Variants in VPS18 observed in about 807,000 individuals in gnomAD.
VPS18 encodes the protein VPS18 core subunit of CORVET and HOPS complexes, also known as vacuolar protein sorting-associated protein 18 homolog.
In VPS18, 25 loss-of-function variants were observed where a neutral mutation model predicts 82.0. The observed-to-expected ratio is 0.30, with a 90% confidence interval of 0.22 to 0.43. The LOEUF (loss-of-function observed/expected upper bound fraction) is 0.43, where lower values mean the gene tolerates loss of function less well. VPS18 is among the 20% of genes least tolerant of loss of function. The probability of loss-of-function intolerance (pLI) is 1.00; values close to 1 mark genes in which losing one functional copy is unlikely to be tolerated. For missense variants in VPS18, 1,168 were observed against 1,311.1 expected (o/e 0.89, Z 1.69); for synonymous variants, 523 against 543.0 (o/e 0.96, Z 0.51).
intron 1 of VPS18, among the ~76,000 whole-genome samples, chr15:40,895,357 G>A (rs1002510757): frequency 6.6e-6 from 1 of 152,206 alleles, no homozygotes; most frequent in Admixed American, 6.5e-5. Context: ...GCAGCCTGGA[G>A]TTTGGGGACG....
rs781423325 is a variant in VPS18 at position 40,903,431 on chromosome 15, T to C, written c.*90T>C. The stretch of plus-strand genomic sequence containing the variant: ...CTGCCTCCTAGGCTCTGCTCAGTCA[T>C]CTTGCAATTGCCACACTGTGACCAC... On this transcript the variant is annotated 3_prime_UTR_variant, in exon 5 of 5. Transcript: ENST00000220509. 3.4e-6 allele frequency: 5 copies of C among 1,480,640 alleles called. No homozygotes were observed. The highest frequency in any genetic ancestry group is 4.5e-6 in the Non-Finnish European group (5 of 1,115,342). The allele number at this position is 1,480,640 out of a possible 1,614,324, so 91.7% of individuals were successfully genotyped here.
rs1487885493 is a variant in VPS18 at position 40,899,645 on chromosome 15, A to C, written c.827A>C (p.Lys276Thr). ...AGTGAGTTGGCCTTCTACACCCCCAAGCTGCGCTCCGCACCCCGGGCCTTC... is the reference window on the plus strand; with the variant it reads ...AGTGAGTTGGCCTTCTACACCCCCACGCTGCGCTCCGCACCCCGGGCCTTC... The part of the protein sequence containing the change: ...GYSELAFYTP[K>T]LRSAPRAFAW... Residue 276 changes from lysine to threonine, a missense_variant, in exon 4 of 5, where the codon AAG becomes ACG. This residue lies in a region of VPS18 where 868 missense variants were observed against 939.8 expected (regional missense o/e 0.92). Coordinates refer to ENST00000220509, the MANE Select transcript of VPS18 (RefSeq NM_020857.3). This position sits in a 1 kb window ranked among gnomAD's most constrained non-coding sequence, Gnocchi z 4.4. The C allele has an allele frequency of 1.9e-6, 3 of 1,612,896 alleles. No homozygotes were observed. Among genetic ancestry groups the C allele is most frequent in the Non-Finnish European group, 2.5e-6 (3 of 1,180,030 alleles).
In VPS18 at chr15:40,897,231, G is replaced by C. The variant is rs145843423; in HGVS notation, c.233+1152G>C. 2.8e-3 allele frequency among the ~76,000 whole-genome samples: 426 copies of C among 152,002 alleles called. 2 individuals are homozygous for C. The highest frequency in any genetic ancestry group is 9.8e-3 in the African/African-American group (407 of 41,422). On this transcript the variant is annotated intron_variant, in intron 2 of 4. Coordinates refer to ENST00000220509, the MANE Select transcript of VPS18 (RefSeq NM_020857.3). The stretch of plus-strand genomic sequence containing the variant: ...AATGGCTTGAACCCGGGAGGCAGAG[G>C]TTGCAGTGAGCCGAGATCATGCTCA...
chr15:40,903,333 T>C lies in VPS18; in HGVS notation c.2914T>C (p.Trp972Arg). The change falls in exon 5 of 5, where the codon TGG becomes CGG. Residue 972 changes from tryptophan to arginine, a missense_variant. Physicochemically the swap from Trp to Arg is moderately radical, Grantham distance 101 (BLOSUM62 -3). Transcript: ENST00000220509. ...PQRYEEEQLSWL is the reference protein window; with the variant it reads ...PQRYEEEQLSRL ...GCGCTACGAGGAGGAGCAGCTCAGT[T>C]GGCTGTAGGAGGGTGTCACCTTTGA... 2 of 1,536,924 alleles carry C rather than the reference T, an allele frequency of 1.3e-6. No homozygotes were observed.
At position 40,894,673 on chromosome 15, in the gene VPS18, G is replaced by A. The variant is rs1411285560; in HGVS notation, c.-96G>A. 4 of 1,189,228 alleles carry A rather than the reference G, an allele frequency of 3.4e-6. No individual in the cohort carries two copies. The highest frequency in any genetic ancestry group is 3.1e-5 in the South Asian group (2 of 65,366). The allele number at this position is 1,189,228 out of a possible 1,614,324, so 73.7% of individuals were successfully genotyped here. On this transcript the variant is annotated 5_prime_UTR_variant, in exon 1 of 5. Coordinates refer to ENST00000220509, the MANE Select transcript of VPS18 (RefSeq NM_020857.3). ...TTCCCAGGATCTGTCAGAGGCTGGGGAGTTACAGCTTCCATTCTGGGGCGA... is the reference window on the plus strand; with the variant it reads ...TTCCCAGGATCTGTCAGAGGCTGGGAAGTTACAGCTTCCATTCTGGGGCGA...
intron 2 of VPS18, among the ~76,000 whole-genome samples, chr15:40,897,189 G>A (rs1892244270): frequency 6.6e-6 from 1 of 152,092 alleles, no homozygotes; most frequent in Non-Finnish European, 1.5e-5. Flanking sequence ...CAGCTATTTG[G>A]GAGGCTGAGG....
Position 40,900,008 on chromosome 15 carries a change from A to G in VPS18, c.1190A>G (p.Asp397Gly). ...FRYHVQREAR[D>G]VWRTYLDMNR... ...TACCACGTGCAACGGGAGGCCCGAG[A>G]TGTCTGGCGCACCTATCTGGACATG... The change falls in exon 4 of 5, where the codon GAT (aspartate) becomes GGT (glycine). Residue 397 changes from aspartate (D) to glycine (G), a missense_variant. By Grantham distance (94) the Asp-to-Gly change is moderately conservative. Transcript: ENST00000220509. The surrounding 1 kb of genome is among the most constrained non-coding windows in gnomAD (Gnocchi z 5.4). 1.2e-6 allele frequency: 2 copies of G among 1,614,010 alleles called. No individual in the cohort carries two copies. The highest frequency in any genetic ancestry group is 1.7e-6 in the Non-Finnish European group (2 of 1,180,020).
Position 40,900,521 on chromosome 15 carries a change from G to A in VPS18, c.1703G>A (p.Arg568Gln), listed in dbSNP as rs60163948. The A allele has an allele frequency of 3.7e-6, 6 of 1,613,938 alleles. No homozygotes were observed. Among genetic ancestry groups the A allele is most frequent in the Admixed American group, 1.7e-5 (1 of 60,006 alleles). The change falls in exon 4 of 5, where the codon CGG (arginine) becomes CAG (glutamine). Residue 568 changes from arginine (R) to glutamine (Q), a missense_variant. Coordinates refer to ENST00000220509, the MANE Select transcript of VPS18 (RefSeq NM_020857.3). This position sits in a 1 kb window ranked among gnomAD's most constrained non-coding sequence, Gnocchi z 5.4. ...YFAVIMQDYE[R>Q]VVAYHCQHEA... ...GCAGTGATCATGCAGGACTATGAGC[G>A]GGTGGTGGCTTACCACTGTCAGCAC...
At position 40,900,185 on chromosome 15, in the gene VPS18, T is replaced by C; in HGVS notation, c.1367T>C (p.Ile456Thr). The change falls in exon 4 of 5, where the codon ATT becomes ACT. Residue 456 changes from isoleucine to threonine, a missense_variant. Ile to Thr is a moderately conservative substitution (Grantham distance 89). Around this residue, in one of 3 missense-constraint regions of VPS18, gnomAD observed 868 missense variants for 939.8 expected, o/e 0.92. Coordinates refer to ENST00000220509, the MANE Select transcript of VPS18 (RefSeq NM_020857.3). This position sits in a 1 kb window ranked among gnomAD's most constrained non-coding sequence, Gnocchi z 5.4. ...YALTQSYFEE[I>T]ALKFLEARQE... Reference sequence around the variant, plus strand: ...CTGACCCAGAGCTACTTTGAGGAGATTGCCCTCAAGTTCCTGGAGGCCCGA... The same window carrying C: ...CTGACCCAGAGCTACTTTGAGGAGACTGCCCTCAAGTTCCTGGAGGCCCGA... The C allele has an allele frequency of 6.2e-7, 1 of 1,613,802 alleles. No homozygotes were observed. Among genetic ancestry groups the C allele is most frequent in the Non-Finnish European group, 8.5e-7 (1 of 1,180,016 alleles).
Position 40,900,407 on chromosome 15 carries a change from C to A in VPS18, c.1589C>A (p.Pro530His), listed in dbSNP as rs1447942190. 1.2e-6 allele frequency: 2 copies of A among 1,614,010 alleles called. No homozygotes were observed. The highest frequency in any genetic ancestry group is 1.7e-6 in the Non-Finnish European group (2 of 1,180,006). ...KECFRTFLSS[P>H]RHKEWLFASR... is the part of the protein sequence containing the mutation. ...TGCTTTCGAACCTTCCTCAGCAGCC[C>A]CCGCCACAAAGAGTGGCTCTTTGCC... The change falls in exon 4 of 5, where the codon CCC (proline) becomes CAC (histidine). Residue 530 changes from proline to histidine, a missense_variant. Coordinates refer to ENST00000220509, the MANE Select transcript of VPS18 (RefSeq NM_020857.3). This position sits in a 1 kb window ranked among gnomAD's most constrained non-coding sequence, Gnocchi z 5.4.
chr15:40,899,008 AG>A lies in VPS18; in HGVS notation c.325+11del. ...TTCCTTGACCATACTGGTAAGTAACAGTGGAGATCTGAGGAGGGGGTCTCTG... is the reference window on the plus strand; with the variant it reads ...TTCCTTGACCATACTGGTAAGTAACATGGAGATCTGAGGAGGGGGTCTCTG... On this transcript the variant is annotated intron_variant, in intron 3 of 4. Transcript: ENST00000220509. This position sits in a 1 kb window ranked among gnomAD's most constrained non-coding sequence, Gnocchi z 4.4. 1 of 1,613,840 alleles carries A rather than the reference AG, an allele frequency of 6.2e-7. No homozygotes were observed. Among genetic ancestry groups the A allele is most frequent in the Non-Finnish European group, 8.5e-7 (1 of 1,179,868 alleles).
rs769352089 is a variant in VPS18 at position 40,900,381 on chromosome 15, A to G, written c.1563A>G (p.Glu521=). The G allele has an allele frequency of 6.2e-7, 1 of 1,613,676 alleles. No homozygotes were observed. The change falls in exon 4 of 5, where the codon GAA becomes GAG. Residue 521 remains glutamate (E), a synonymous_variant. Transcript: ENST00000220509. The surrounding 1 kb of genome is among the most constrained non-coding windows in gnomAD (Gnocchi z 5.4). ...EALTLYRETK[E]CFRTFLSSPR... is the part of the protein sequence containing the mutation. Reference sequence around the variant, plus strand: ...TGACTCTCTACCGAGAAACCAAGGAATGCTTTCGAACCTTCCTCAGCAGCC... The same window carrying G: ...TGACTCTCTACCGAGAAACCAAGGAGTGCTTTCGAACCTTCCTCAGCAGCC...
intron 1 of VPS18, among the ~76,000 whole-genome samples, chr15:40,895,664 A>G (rs745727746): frequency 6.6e-6 from 1 of 152,196 alleles, no homozygotes; most frequent in Non-Finnish European, 1.5e-5. Context: ...ACGCAGCCCC[A>G]TTACCAGTGG....
rs1892202120 is a variant in VPS18, at chr15:40,894,872, A to G, written c.91+13A>G. Reference sequence around the variant, plus strand: ...ATCCCCCACTCGGGTAAGGAAGAGGAGGGTGCCGCTGCCCCTTTCGGCTCT... The same window carrying G: ...ATCCCCCACTCGGGTAAGGAAGAGGGGGGTGCCGCTGCCCCTTTCGGCTCT... On this transcript the variant is annotated intron_variant, in intron 1 of 4. Transcript: ENST00000220509. 1.3e-6 allele frequency: 2 copies of G among 1,547,954 alleles called. No individual in the cohort carries two copies. The highest frequency in any genetic ancestry group is 1.7e-6 in the Non-Finnish European group (2 of 1,146,710).
Position 40,900,367 on chromosome 15 carries a change from C to G in VPS18, c.1549C>G (p.Arg517Gly). Residue 517 changes from arginine (R) to glycine (G), a missense_variant, in exon 4 of 5, where the codon CGA becomes GGA. By Grantham distance (125) the Arg-to-Gly change is moderately radical. Transcript: ENST00000220509. This position sits in a 1 kb window ranked among gnomAD's most constrained non-coding sequence, Gnocchi z 5.4. ...CGACCCAGAGGCCCTGACTCTCTAC[C>G]GAGAAACCAAGGAATGCTTTCGAAC... ...QGDPEALTLY[R>G]ETKECFRTFL... 2 of 1,613,694 alleles carry G rather than the reference C, an allele frequency of 1.2e-6. No homozygotes were observed. The highest frequency in any genetic ancestry group is 1.1e-5 in the South Asian group (1 of 91,074).
rs945098393 is a variant in VPS18 at position 40,902,008 on chromosome 15, C to T, written c.2197-608C>T. Among the ~76,000 whole-genome samples, 2 of 152,204 alleles carry T rather than the reference C, an allele frequency of 1.3e-5. No individual in the cohort carries two copies. The highest frequency in any genetic ancestry group is 2.9e-5 in the Non-Finnish European group (2 of 68,030). ...TGAAGTGCTATTTAACATGCAGTTC[C>T]TAGGCCTGAACTCAGGACTTACTGA... On this transcript the variant is annotated intron_variant, in intron 4 of 4. Coordinates refer to ENST00000220509, the MANE Select transcript of VPS18 (RefSeq NM_020857.3). The surrounding 1 kb of genome is among the most constrained non-coding windows in gnomAD (Gnocchi z 4.2).
chr15:40,897,449 A>C (rs1892248767), intron 2 of VPS18, among the ~76,000 whole-genome samples: 1 of 152,238 alleles, frequency 6.6e-6, no homozygotes, highest in Non-Finnish European at 1.5e-5. Flanking sequence ...TGCAATATGA[A>C]GGCATTTTTA....
Position 40,900,716 on chromosome 15 carries a change from A to G in VPS18, c.1898A>G (p.Tyr633Cys). The change falls in exon 4 of 5, where the codon TAC becomes TGC. Residue 633 changes from tyrosine (Y) to cysteine (C), a missense_variant. Tyr to Cys is a radical substitution (Grantham distance 194). Coordinates refer to ENST00000220509, the MANE Select transcript of VPS18 (RefSeq NM_020857.3). This position sits in a 1 kb window ranked among gnomAD's most constrained non-coding sequence, Gnocchi z 5.4. ...CAGCTCATTCCTGCCCTGGTGAACTACAGCCAGGGTGGTGAGGTCCAGCAG... is the reference window on the plus strand; with the variant it reads ...CAGCTCATTCCTGCCCTGGTGAACTGCAGCCAGGGTGGTGAGGTCCAGCAG... ...ARQLIPALVN[Y>C]SQGGEVQQVS... 1 of 1,614,198 alleles carries G rather than the reference A, an allele frequency of 6.2e-7. No individual in the cohort carries two copies. The highest frequency in any genetic ancestry group is 8.5e-7 in the Non-Finnish European group (1 of 1,180,034).
At position 40,900,781 on chromosome 15, in the gene VPS18, G is replaced by A. The variant is rs549670423; in HGVS notation, c.1963G>A (p.Val655Met). The A allele has an allele frequency of 5.0e-6, 8 of 1,614,206 alleles. No individual in the cohort carries two copies. The Admixed American group carries it at 5.0e-5, about 10-fold the overall frequency. Residue 655 changes from valine to methionine, a missense_variant, in exon 4 of 5, where the codon GTG becomes ATG. Coordinates refer to ENST00000220509, the MANE Select transcript of VPS18 (RefSeq NM_020857.3). This position sits in a 1 kb window ranked among gnomAD's most constrained non-coding sequence, Gnocchi z 5.4. ...CCGCTACATGGAGTTCTGCGTGAAC[G>A]TGCTGGGGGAGACTGAGCAGGCCAT... ...AIRYMEFCVN[V>M]LGETEQAIHN... is the part of the protein sequence containing the mutation.
Sources: gnomAD v4.1 joint callset for allele counts (sites outside exome capture counted in the v4.1 genomes callset) on GRCh38, gnomAD v4.1.1 for gene constraint, gnomAD v4.1.1 regional missense constraint, Gnocchi (gnomAD v3.1) non-coding constraint, MANE v1.5 for transcripts, NCBI Gene and HGNC (gene_info 2026-07-23, HGNC 2026-07-21) for gene names.